IL1RAPL2: variants seen among roughly 807,000 people sequenced by gnomAD.
IL1RAPL2 encodes the protein interleukin 1 receptor accessory protein like 2, also known as X-linked interleukin-1 receptor accessory protein-like 2.
IL1RAPL2 carries 3 observed loss-of-function variants against 44.1 expected under a neutral mutation model. The ratio of observed to expected loss-of-function variants is 0.07; its 90% CI spans 0.03 to 0.18. The LOEUF (loss-of-function observed/expected upper bound fraction) is 0.18, where lower values mean the gene tolerates loss of function less well. IL1RAPL2 is among the 10% of genes least tolerant of loss of function. The pLI, the probability that IL1RAPL2 is intolerant of heterozygous loss-of-function variation, is 1.00. For missense variants in IL1RAPL2, 391 were observed against 496.4 expected (o/e 0.79, Z 2.02); for synonymous variants, 181 against 178.8 (o/e 1.01, Z -0.10).
At chrX:105,018,391 A>G (rs1284578171) in intron 2 of IL1RAPL2, among the ~76,000 whole-genome samples, 7 of 111,132 alleles carry the variant, frequency 6.3e-5, no homozygotes. Context: ...TGCAGCTCAA[A>G]AAGCATCTCC....
At chrX:104,718,924 A>G in intron 2 of IL1RAPL2, among the ~76,000 whole-genome samples, 1 of 112,001 alleles carries the variant, frequency 8.9e-6, no homozygotes, top group East Asian at 2.8e-4. Flanking sequence ...GTAGCCGTTG[A>G]CAATAAGTAA....
chrX:104,614,405 A>AT (rs1258841532), intron 1 of IL1RAPL2, among the ~76,000 whole-genome samples: 1 of 111,666 alleles, frequency 9.0e-6, no homozygotes, highest in African/African-American at 3.3e-5. Flanking sequence ...GTATGATTTT[A>AT]TTTTTTGAAG....
intron 1 of IL1RAPL2, chrX:104,647,704 G>A (rs960585823): frequency 7.3e-6 from 4 of 545,382 alleles, no homozygotes; most frequent in African/African-American, 4.5e-5. Flanking sequence ...GCTGGCTAGC[G>A]ACAGGCCAGG....
At chrX:105,074,090 G>A (rs748426507) in intron 2 of IL1RAPL2, among the ~76,000 whole-genome samples, 27 of 111,381 alleles carry the variant, frequency 2.4e-4, no homozygotes, top group Admixed American at 1.6e-3. Context: ...CATTGCTTTT[G>A]GTGTTTTAGA....
At chrX:105,329,159 T>A (rs2034966110) in intron 5 of IL1RAPL2, among the ~76,000 whole-genome samples, 2 of 112,406 alleles carry the variant, frequency 1.8e-5, no homozygotes, top group South Asian at 3.7e-4. Context: ...AACTGATACA[T>A]TGTTGAGATG....
chrX:105,661,714 T>G (rs758897454), intron 6 of IL1RAPL2, among the ~76,000 whole-genome samples: 1 of 112,278 alleles, frequency 8.9e-6, no homozygotes, highest in Non-Finnish European at 1.9e-5. Flanking sequence ...TTCTGTCCGC[T>G]GATTCACAGA....
At chrX:104,712,343 C>T (rs1931475757) in intron 2 of IL1RAPL2, among the ~76,000 whole-genome samples, 1 of 110,538 alleles carries the variant, frequency 9.0e-6, no homozygotes, top group African/African-American at 3.3e-5. Flanking sequence ...TGTATTTTTG[C>T]CTCCAAGGCC....
intron 2 of IL1RAPL2, among the ~76,000 whole-genome samples, chrX:104,970,506 T>C (rs1199142367): frequency 1.8e-5 from 2 of 111,879 alleles, no homozygotes; most frequent in African/African-American, 6.5e-5. Context: ...CTATACCCAC[T>C]TTTAATTATG....
At chrX:104,986,115 C>T (rs1408245029) in intron 2 of IL1RAPL2, among the ~76,000 whole-genome samples, 1 of 111,947 alleles carries the variant, frequency 8.9e-6, no homozygotes, top group African/African-American at 3.2e-5. Context: ...ATCTCATATT[C>T]CTTTTCCATT....
chrX:105,178,569 A>G (rs2033498109), intron 2 of IL1RAPL2, among the ~76,000 whole-genome samples: 1 of 111,822 alleles, frequency 8.9e-6, no homozygotes. Context: ...GTAAATTGCC[A>G]TACTGTTTTC....
intron 6 of IL1RAPL2, among the ~76,000 whole-genome samples, chrX:105,542,679 A>ATT (rs201971989): frequency 2.1e-5 from 2 of 94,884 alleles, no homozygotes; most frequent in African/African-American, 8.5e-5. Context: ...TTTTTTTTTT[A>ATT]TTTTTTATAT....
At chrX:104,814,752 G>A (rs1921091496) in intron 2 of IL1RAPL2, among the ~76,000 whole-genome samples, 1 of 112,239 alleles carries the variant, frequency 8.9e-6, no homozygotes, top group Non-Finnish European at 1.9e-5. Context: ...GCTCCTTTGT[G>A]TGGCAGTCTG....
At chrX:105,129,640 A>G (rs777993132) in intron 2 of IL1RAPL2, among the ~76,000 whole-genome samples, 1 of 110,824 alleles carries the variant, frequency 9.0e-6, no homozygotes, top group Non-Finnish European at 1.9e-5. Flanking sequence ...TGGAACCAGG[A>G]GGTATCTCAA....
At chrX:104,891,327 T>G (rs1186170452) in intron 2 of IL1RAPL2, among the ~76,000 whole-genome samples, 1 of 112,229 alleles carries the variant, frequency 8.9e-6, no homozygotes, top group African/African-American at 3.2e-5. Flanking sequence ...TTTTTCCAAT[T>G]TTGTGAAGAA....
At chrX:105,698,381 T>A (rs210429) in intron 6 of IL1RAPL2, among the ~76,000 whole-genome samples, 48,914 of 110,708 alleles carry the variant, frequency 0.44, 8,721 homozygotes, top group African/African-American at 0.67. Flanking sequence ...TTAACTAAAC[T>A]TAACTTAGAC....
chrX:105,361,590 CCA>C, intron 5 of IL1RAPL2, among the ~76,000 whole-genome samples: 1 of 110,822 alleles, frequency 9.0e-6, no homozygotes. Context: ...TAGAGACAGG[CCA>C]CACACATTTA....
At chrX:105,506,513 A>G (rs185471697) in intron 6 of IL1RAPL2, among the ~76,000 whole-genome samples, 1 of 111,359 alleles carries the variant, frequency 9.0e-6, no homozygotes, top group Non-Finnish European at 1.9e-5. Context: ...CTCTTCTAAG[A>G]CAGTGAGAAG....
intron 2 of IL1RAPL2, among the ~76,000 whole-genome samples, chrX:105,187,955 C>T (rs782528243): frequency 9.0e-6 from 1 of 111,373 alleles, no homozygotes; most frequent in South Asian, 3.8e-4. Context: ...CACATAGAAA[C>T]ATCATGTCAT....
intron 2 of IL1RAPL2, among the ~76,000 whole-genome samples, chrX:105,166,910 T>G (rs954471803): frequency 1.8e-5 from 2 of 112,406 alleles, no homozygotes; most frequent in African/African-American, 6.5e-5. Context: ...AAGCCATCAA[T>G]TTGATTGGCA....
Sources: allele counts gnomAD v4.1 joint callset (sites outside exome capture counted in the v4.1 genomes callset), GRCh38; gene constraint gnomAD v4.1.1; transcripts MANE v1.5; gene names NCBI Gene and HGNC (gene_info 2026-07-23, HGNC 2026-07-21).